Variants in NAA35 observed in about 807,000 individuals in gnomAD.
The protein encoded by NAA35 is N-alpha-acetyltransferase 35, NatC auxiliary subunit.
Under a neutral mutation model 101.7 loss-of-function variants are expected in NAA35, and 18 were observed. That is an observed-to-expected ratio of 0.18 (90% CI 0.12 to 0.26). The LOEUF is 0.26. Ranked by LOEUF, NAA35 falls within the 10% of genes least tolerant of loss-of-function variation. NAA35 has a pLI of 1.00. For missense variants in NAA35, 601 were observed against 886.8 expected (o/e 0.68, Z 4.09); for synonymous variants, 267 against 273.1 (o/e 0.98, Z 0.22).
chr9:85,973,811 A>C (rs904521407), intron 6 of NAA35, among the ~76,000 whole-genome samples: 27 of 152,128 alleles, frequency 1.8e-4, no homozygotes, highest in Admixed American at 3.3e-4. Context: ...CTTTGAGACC[A>C]AGGACATTGG....
At chr9:86,011,966 G>A (rs1237010870) in intron 15 of NAA35, among the ~76,000 whole-genome samples, 1 of 138,000 alleles carries the variant, frequency 7.2e-6, no homozygotes, top group East Asian at 2.0e-4. Context: ...AATATATAAT[G>A]TATATAATAT....
rs1208902797 is a variant in NAA35, at chr9:86,023,448, A to G, written c.*1488A>G. On this transcript the variant is annotated 3_prime_UTR_variant, in exon 23 of 23. Coordinates refer to ENST00000361671, the MANE Select transcript of NAA35 (RefSeq NM_024635.4). ...CAAAGAATCAAAAGAAAAAGCAAAG[A>G]GGAAAACAGAATGAGCATGGACATT... Among the ~76,000 whole-genome samples, 1 of 152,256 alleles carries G rather than the reference A, an allele frequency of 6.6e-6. No homozygotes were observed. Among genetic ancestry groups the G allele is most frequent in the African/African-American group, 2.4e-5 (1 of 41,464 alleles).
At chr9:85,969,878 G>C (rs1052716404) in intron 6 of NAA35, among the ~76,000 whole-genome samples, 3 of 147,614 alleles carry the variant, frequency 2.0e-5, no homozygotes, top group African/African-American at 7.5e-5. Flanking sequence ...AAAAAAAAAA[G>C]ATGTGTTCAT....
At chr9:85,948,147 C>G (rs990644809) in intron 2 of NAA35, among the ~76,000 whole-genome samples, 9 of 152,150 alleles carry the variant, frequency 5.9e-5, no homozygotes, top group African/African-American at 2.2e-4. Flanking sequence ...TAGGCTGTAT[C>G]TGTGGACTTA....
chr9:86,011,416 T>G (rs984807556), intron 15 of NAA35, among the ~76,000 whole-genome samples: 4 of 151,300 alleles, frequency 2.6e-5, no homozygotes. Context: ...CAGGCTGGAG[T>G]GCAGTGATCT....
rs146695687 is a variant in NAA35 at position 85,984,024 on chromosome 9, C to CAAA, written c.877+5659_877+5661dup. On this transcript the variant is annotated intron_variant, in intron 11 of 22. Transcript: ENST00000361671. ...AGAAGTATAGATCAGAAAATAGAAG[C>CAAA]AAAAAAAAAAAAAAAAAATCACTGG... 2.0e-3 allele frequency among the ~76,000 whole-genome samples: 206 copies of CAAA among 103,040 alleles called. 3 individuals carry two copies. In the South Asian group the frequency reaches 0.035, roughly 17 times the overall value. 67.6% of individuals were successfully genotyped at this position (103,040 alleles called of 152,430 possible).
intron 2 of NAA35, among the ~76,000 whole-genome samples, chr9:85,953,942 G>C: frequency 6.6e-6 from 1 of 152,092 alleles, no homozygotes; most frequent in East Asian, 1.9e-4. Flanking sequence ...GGGCGCTTGG[G>C]TTGTTTCCCA....
intron 6 of NAA35, among the ~76,000 whole-genome samples, chr9:85,973,706 T>G (rs940124773): frequency 2.0e-5 from 3 of 152,156 alleles, no homozygotes; most frequent in Non-Finnish European, 4.4e-5. Flanking sequence ...AGAGACAGAC[T>G]ATAAAAGAGA....
chr9:86,003,607 AAC>A lies in NAA35; in HGVS notation c.1081_1082del (p.Gln361ValfsTer18). ...TAGGATTTTTTCTGTGAATTTAGTGAACAGTCACCATGTGTTCTTTCAAGATC... is the reference window on the plus strand; with the variant it reads ...TAGGATTTTTTCTGTGAATTTAGTGAAGTCACCATGTGTTCTTTCAAGATC... On this transcript the variant is annotated frameshift_variant, in exon 13 of 23. Coordinates refer to ENST00000361671, the MANE Select transcript of NAA35 (RefSeq NM_024635.4). LOFTEE classifies it high-confidence loss of function. The A allele has an allele frequency of 6.3e-7, 1 of 1,597,560 alleles. No homozygotes were observed. The highest frequency in any genetic ancestry group is 8.5e-7 in the Non-Finnish European group (1 of 1,169,910).
In NAA35 at chr9:86,024,693, A is replaced by G. The variant is rs148275696; in HGVS notation, c.*2733A>G. Among the ~76,000 whole-genome samples, 25 of 152,176 alleles carry G rather than the reference A, an allele frequency of 1.6e-4. No individual in the cohort carries two copies. Among genetic ancestry groups the G allele is most frequent in the African/African-American group, 4.8e-4 (20 of 41,440 alleles). On this transcript the variant is annotated 3_prime_UTR_variant, in exon 23 of 23. Transcript: ENST00000361671. Reference sequence around the variant, plus strand: ...TTTTTTTGGCTTTGGCAACTAGACGATGGTGGTGCCACTTGTGTAGATATC... The same window carrying G: ...TTTTTTTGGCTTTGGCAACTAGACGGTGGTGGTGCCACTTGTGTAGATATC...
At chr9:86,004,579 T>C (rs973417001) in intron 13 of NAA35, among the ~76,000 whole-genome samples, 1 of 152,056 alleles carries the variant, frequency 6.6e-6, no homozygotes, top group East Asian at 1.9e-4. Flanking sequence ...GAGCAGAAAT[T>C]AGTAAAATAT....
intron 21 of NAA35, 120 bp from the exon 22 acceptor site, chr9:86,020,769 T>G (rs1044680164): frequency 1.6e-6 from 1 of 609,554 alleles, no homozygotes; most frequent in Non-Finnish European, 2.8e-6. Flanking sequence ...GGTTGAGGCT[T>G]CAGTGAGCCG....
chr9:86,012,920 A>G (rs528617603), intron 15 of NAA35, 126 bp from the exon 16 acceptor site: 6 of 477,272 alleles, frequency 1.3e-5, no homozygotes, highest in Non-Finnish European at 2.1e-5. Flanking sequence ...AAAAGTATAC[A>G]TAGACCTAAT....
At chr9:85,986,234 A>G (rs531589908) in intron 11 of NAA35, among the ~76,000 whole-genome samples, 1 of 152,230 alleles carries the variant, frequency 6.6e-6, no homozygotes, top group Non-Finnish European at 1.5e-5. Context: ...CAGAATGCAT[A>G]TGAAAATTAA....
In NAA35 at chr9:85,996,577, G is replaced by A; in HGVS notation, c.1056G>A (p.Leu352=). The change falls in exon 12 of 23, where the codon CTG becomes CTA. Residue 352 remains leucine (L), a splice_region_variant and synonymous_variant. Transcript: ENST00000361671. Reference sequence around the variant, plus strand: ...ATTTAACAAATTTACATTGTATCCTGGTAAGTACAAATCTCTGTTCCAGAA... The same window carrying A: ...ATTTAACAAATTTACATTGTATCCTAGTAAGTACAAATCTCTGTTCCAGAA... The part of the protein sequence containing the change: ...VVNLTNLHCI[L]DFFCEFSEQS... 1 of 1,547,718 alleles carries A rather than the reference G, an allele frequency of 6.5e-7. No individual in the cohort carries two copies. The highest frequency in any genetic ancestry group is 2.3e-5 in the East Asian group (1 of 42,578).
At chr9:85,975,257 T>C in intron 8 of NAA35, 100 bp downstream of exon 8, 1 of 1,202,040 alleles carries the variant, frequency 8.3e-7, no homozygotes, top group Non-Finnish European at 1.2e-6. Context: ...TTCTCCTGTA[T>C]GTGCTTTGTA....
chr9:86,017,515 G>A lies in NAA35; in HGVS notation c.1723G>A (p.Glu575Lys). 9 of 1,613,784 alleles carry A rather than the reference G, an allele frequency of 5.6e-6. No individual in the cohort carries two copies. Among genetic ancestry groups the A allele is most frequent in the Non-Finnish European group, 7.6e-6 (9 of 1,179,800 alleles). The change falls in exon 19 of 23, where the codon GAG (glutamate) becomes AAG (lysine). Residue 575 changes from glutamate to lysine, a missense_variant. Glu to Lys is a moderately conservative substitution (Grantham distance 56). Around this residue, in one of 8 missense-constraint regions of NAA35, gnomAD observed 99 missense variants for 206.7 expected, o/e 0.48. Coordinates refer to ENST00000361671, the MANE Select transcript of NAA35 (RefSeq NM_024635.4). ...KKKKVRPLSREITMSQAYQNM... is the reference protein window; with the variant it reads ...KKKKVRPLSRKITMSQAYQNM... ...AATTACAGTTCGCCCATTGAGCCGA[G>A]AGATCACAATGAGCCAAGCATATCA...
chr9:86,011,755 ATAT>A (rs1162111517), intron 15 of NAA35, among the ~76,000 whole-genome samples: 9 of 147,454 alleles, frequency 6.1e-5, no homozygotes, highest in African/African-American at 2.2e-4. Context: ...TATATTTCAT[ATAT>A]ATATCTACTT....
chr9:85,969,859 T>TAAAAA (rs76512245), intron 6 of NAA35, among the ~76,000 whole-genome samples: 3 of 134,826 alleles, frequency 2.2e-5, no homozygotes, highest in African/African-American at 5.4e-5. Context: ...CTCTGTCTCT[T>TAAAAA]AAAAAAAAAA....
Sources: gnomAD v4.1 joint callset for allele counts (sites outside exome capture counted in the v4.1 genomes callset) on GRCh38, gnomAD v4.1.1 for gene constraint, gnomAD v4.1.1 regional missense constraint, MANE v1.5 for transcripts, NCBI Gene and HGNC (gene_info 2026-07-23, HGNC 2026-07-21) for gene names.